TMEM132C: variants seen among roughly 807,000 people sequenced by gnomAD.
TMEM132C encodes the protein protein phosphatase 1, regulatory subunit 152.
Under a neutral mutation model 61.4 loss-of-function variants are expected in TMEM132C, and 29 were observed. That is an observed-to-expected ratio of 0.47 (90% CI 0.35 to 0.64). The LOEUF (loss-of-function observed/expected upper bound fraction) is 0.64, where lower values mean the gene tolerates loss of function less well. Among genes scored for constraint, TMEM132C ranks in the 30% least tolerant of loss-of-function variants. TMEM132C has a pLI of 0.00. For synonymous variants in TMEM132C, 656 were observed against 633.1 expected (o/e 1.04, Z -0.54); for missense variants, 1,408 against 1,476.9 (o/e 0.95, Z 0.76).
At position 128,298,523 on chromosome 12, in the gene TMEM132C, A is replaced by G. The variant is rs147625242; in HGVS notation, c.85+31036A>G. Among the ~76,000 whole-genome samples, 1,242 of 152,228 alleles carry G rather than the reference A, an allele frequency of 8.2e-3. 8 individuals carry two copies. Among genetic ancestry groups the G allele is most frequent in the Middle Eastern group, 0.017 (5 of 294 alleles). On this transcript the variant is annotated intron_variant, in intron 1 of 8. Coordinates refer to ENST00000435159, the MANE Select transcript of TMEM132C (RefSeq NM_001136103.3). ...CCTGGTGATTGCATCTCACGTAACT[A>G]CGGTACGTACGACTCACAGCCAGGA...
chr12:128,421,282 G>A (rs574642044), intron 2 of TMEM132C, among the ~76,000 whole-genome samples: 1 of 152,190 alleles, frequency 6.6e-6, no homozygotes, highest in Admixed American at 6.5e-5. Flanking sequence ...AGAACATGTG[G>A]TGTATATATC....
chr12:128,638,535 G>A (rs576784978), intron 4 of TMEM132C, among the ~76,000 whole-genome samples: 47 of 152,184 alleles, frequency 3.1e-4, no homozygotes, highest in South Asian at 2.7e-3. Context: ...CTGTTTCAGC[G>A]GTGTCTGAAC....
In TMEM132C at chr12:128,696,065, G is replaced by C; in HGVS notation, c.1891G>C (p.Val631Leu). 1 of 1,551,714 alleles carries C rather than the reference G, an allele frequency of 6.4e-7. No homozygotes were observed. Among genetic ancestry groups the C allele is most frequent in the South Asian group, 1.2e-5 (1 of 84,054 alleles). ...PHVATLQDSR[V>L]LVGREVGMTT... Reference sequence around the variant, plus strand: ...CGTGGCCACCCTCCAGGACAGCCGGGTCCTGGTTGGGCGAGAGGTTGGGAT... The same window carrying C: ...CGTGGCCACCCTCCAGGACAGCCGGCTCCTGGTTGGGCGAGAGGTTGGGAT... The change falls in exon 7 of 9, where the codon GTC (valine) becomes CTC (leucine). Residue 631 changes from valine (V) to leucine (L), a missense_variant. Physicochemically the swap from Val to Leu is conservative, Grantham distance 32. Transcript: ENST00000435159.
chr12:128,601,108 G>C (rs1593115513), intron 3 of TMEM132C, among the ~76,000 whole-genome samples: 1 of 152,170 alleles, frequency 6.6e-6, no homozygotes, highest in Admixed American at 6.5e-5. Context: ...TTTTAGGAGT[G>C]GACCTTGGAG....
At chr12:128,636,569 TGTG>T (rs1380115894) in intron 4 of TMEM132C, among the ~76,000 whole-genome samples, 1 of 17,616 alleles carries the variant, frequency 5.7e-5, no homozygotes, top group African/African-American at 1.1e-4. Context: ...TTTGTTTGTG[TGTG>T]TGTGTGTGTG....
intron 2 of TMEM132C, among the ~76,000 whole-genome samples, chr12:128,480,946 A>G (rs1489726270): frequency 2.0e-5 from 3 of 152,150 alleles, no homozygotes; most frequent in East Asian, 1.9e-4. Context: ...GACGGAGCCT[A>G]TGTTGTCTCC....
chr12:128,619,425 C>T (rs919424819), intron 4 of TMEM132C, among the ~76,000 whole-genome samples: 3 of 152,248 alleles, frequency 2.0e-5, no homozygotes, highest in East Asian at 1.9e-4. Flanking sequence ...AGCAGGGAGA[C>T]GTGCTCTCGA....
intron 2 of TMEM132C, among the ~76,000 whole-genome samples, chr12:128,513,645 C>T (rs1872633869): frequency 6.6e-6 from 1 of 152,140 alleles, no homozygotes; most frequent in African/African-American, 2.4e-5. Context: ...GGAGATTTTG[C>T]TCCTTGAGAA....
intron 3 of TMEM132C, among the ~76,000 whole-genome samples, chr12:128,613,292 G>A (rs1374072095): frequency 6.6e-6 from 1 of 152,160 alleles, no homozygotes; most frequent in Non-Finnish European, 1.5e-5. Context: ...AAGATGAGAT[G>A]CAACTCCCTA....
At chr12:128,451,862 AC>A (rs1870184094) in intron 2 of TMEM132C, among the ~76,000 whole-genome samples, 1 of 152,188 alleles carries the variant, frequency 6.6e-6, no homozygotes, top group South Asian at 2.1e-4. Context: ...AGCAGAACAG[AC>A]AAAAAAAGGG....
At chr12:128,340,909 TC>T (rs1565906156) in intron 1 of TMEM132C, among the ~76,000 whole-genome samples, 16 of 105,348 alleles carry the variant, frequency 1.5e-4, no homozygotes, top group African/African-American at 7.9e-4. Context: ...TCTCTTTCTC[TC>T]TCTCTTTCTC....
At chr12:128,465,019 G>A (rs543747547) in intron 2 of TMEM132C, among the ~76,000 whole-genome samples, 13 of 152,120 alleles carry the variant, frequency 8.5e-5, no homozygotes, top group South Asian at 4.2e-4. Flanking sequence ...GGAATTTCCC[G>A]TTTTCCCAAG....
At chr12:128,413,750 C>G (rs1335450089) in intron 1 of TMEM132C, among the ~76,000 whole-genome samples, 1 of 151,960 alleles carries the variant, frequency 6.6e-6, no homozygotes, top group Non-Finnish European at 1.5e-5. Flanking sequence ...ATATTAGGGC[C>G]ATTAGCCCTT....
intron 4 of TMEM132C, among the ~76,000 whole-genome samples, chr12:128,657,822 TCA>T (rs1354879338): frequency 2.0e-5 from 3 of 152,234 alleles, no homozygotes; most frequent in African/African-American, 7.2e-5. Context: ...TCAAATAGTG[TCA>T]CAGTTTGTGG....
intron 1 of TMEM132C, among the ~76,000 whole-genome samples, chr12:128,342,862 GA>G (rs1205724998): frequency 6.6e-6 from 1 of 152,206 alleles, no homozygotes; most frequent in Non-Finnish European, 1.5e-5. Context: ...TAGGAGCCGG[GA>G]GGACCTGCCC....
At chr12:128,345,001 C>T (rs1364426612) in intron 1 of TMEM132C, among the ~76,000 whole-genome samples, 2 of 151,016 alleles carry the variant, frequency 1.3e-5, no homozygotes, top group Non-Finnish European at 2.9e-5. Flanking sequence ...CAGAACATCC[C>T]ATCACCCAGG....
intron 5 of TMEM132C, among the ~76,000 whole-genome samples, chr12:128,681,817 A>ATTTTTTTTTTTTTTT (rs35154554): frequency 2.1e-4 from 18 of 86,446 alleles, no homozygotes; most frequent in African/African-American, 4.3e-4. Flanking sequence ...CCACGCCTGG[A>ATTTTTTTTTTTTTTT]TTTTTTTTTT....
At chr12:128,313,319 G>A (rs748595261) in intron 1 of TMEM132C, among the ~76,000 whole-genome samples, 2 of 152,174 alleles carry the variant, frequency 1.3e-5, no homozygotes, top group Admixed American at 6.5e-5. Context: ...TAAGTCACTC[G>A]TCTGAGGCCA....
chr12:128,704,356 C>T lies in TMEM132C; in HGVS notation c.2122-734C>T, dbSNP rs562179199. Among the ~76,000 whole-genome samples, 6 of 152,210 alleles carry T rather than the reference C, an allele frequency of 3.9e-5. No homozygotes were observed. In the East Asian group the frequency reaches 9.7e-4, roughly 24 times the overall value. On this transcript the variant is annotated intron_variant, in intron 8 of 8. Coordinates refer to ENST00000435159, the MANE Select transcript of TMEM132C (RefSeq NM_001136103.3). Reference sequence around the variant, plus strand: ...AATAAACTCAGCCCCTTCACACTGGCCCTTTGCTTCCTCTTTCACTCTGCT... The same window carrying T: ...AATAAACTCAGCCCCTTCACACTGGTCCTTTGCTTCCTCTTTCACTCTGCT...
Sources: allele counts gnomAD v4.1 joint callset (sites outside exome capture counted in the v4.1 genomes callset), GRCh38; gene constraint gnomAD v4.1.1; transcripts MANE v1.5; gene names NCBI Gene and HGNC (gene_info 2026-07-23, HGNC 2026-07-21).